RNF43: variants seen among roughly 807,000 people sequenced by gnomAD.
The protein encoded by RNF43 is E3 ubiquitin-protein ligase RNF43.
In RNF43, 37 loss-of-function variants were observed where a neutral mutation model predicts 78.4. That is an observed-to-expected ratio of 0.47 (90% CI 0.36 to 0.62). The LOEUF (loss-of-function observed/expected upper bound fraction) is 0.62, where lower values mean the gene tolerates loss of function less well. Among genes scored for constraint, RNF43 ranks in the 20% least tolerant of loss-of-function variants. RNF43 has a pLI of 0.00. For missense variants in RNF43, 774 were observed against 1,007.9 expected (o/e 0.77, Z 3.14); for synonymous variants, 347 against 395.0 (o/e 0.88, Z 1.44).
rs1169970247 is a variant in RNF43, at chr17:58,411,927, A to G, written c.252+3399T>C. 2.6e-5 allele frequency among the ~76,000 whole-genome samples: 4 copies of G among 152,330 alleles called. No individual in the cohort carries two copies. In the East Asian group the frequency reaches 7.7e-4, roughly 29 times the overall value. ...TCAGCTCCAACACTTTTCCTTCTAC[A>G]ATGGTATAAACCAGGAGAGAAAGAA... On this transcript the variant is annotated intron_variant, in intron 2 of 9. Transcript: ENST00000407977.
Position 58,353,750 on chromosome 17 carries a change from A to C in RNF43, c.*1193T>G. On this transcript the variant is annotated 3_prime_UTR_variant, in exon 10 of 10. Transcript: ENST00000407977. ...TGATTCAAGCGTCTGTCTGGTTCAG[A>C]TATAAATACCCATGTGGGTACCTAG... is the stretch of plus-strand genomic sequence containing the variant. 1 of 209,292 alleles carries C rather than the reference A, an allele frequency of 4.8e-6. No homozygotes were observed. Among genetic ancestry groups the C allele is most frequent in the Non-Finnish European group, 9.8e-6 (1 of 102,468 alleles). The allele number at this position is 209,292 out of a possible 1,614,324, so 13.0% of individuals were successfully genotyped here. A position where few individuals can be genotyped will look rare whatever the true frequency, so the allele number is the denominator to read the frequency against.
At chr17:58,403,104 C>T (rs1973837857) in intron 2 of RNF43, among the ~76,000 whole-genome samples, 1 of 152,104 alleles carries the variant, frequency 6.6e-6, no homozygotes, top group Admixed American at 6.5e-5. Context: ...TTCCAGTAAG[C>T]GTGTACCTCA....
chr17:58,352,684 G>A (rs746125538), downstream of RNF43: 1 of 207,768 alleles, frequency 4.8e-6, no homozygotes, highest in Non-Finnish European at 9.8e-6. Context: ...AACTGCGAGA[G>A]CGCTATAGGG....
intron 2 of RNF43, among the ~76,000 whole-genome samples, chr17:58,403,128 C>G (rs879127638): frequency 6.6e-6 from 1 of 152,150 alleles, no homozygotes; most frequent in Admixed American, 6.5e-5. Context: ...ACCAAACATA[C>G]ATGAATTAAG....
chr17:58,395,812 C>T (rs2143621526), intron 2 of RNF43, among the ~76,000 whole-genome samples: 1 of 152,286 alleles, frequency 6.6e-6, no homozygotes, highest in East Asian at 1.9e-4. Context: ...CTCTAAGAAG[C>T]TGCCTCACTA....
At position 58,358,475 on chromosome 17, in the gene RNF43, G is replaced by A. The variant is rs2143416660; in HGVS notation, c.1301C>T (p.Pro434Leu). ...GTCAGGGGGCCTGGCCCGGCGTAGG[G>A]GCACTGGGCAAGCAGCAGGGTGCTG... ...TSQHPAACPV[P>L]LRRARPPDSS... The change falls in exon 9 of 10, where the codon CCC becomes CTC. Residue 434 changes from proline (P) to leucine (L), a missense_variant. Transcript: ENST00000407977. The surrounding 1 kb of genome is among the most constrained non-coding windows in gnomAD (Gnocchi z 6.2). 6.2e-7 allele frequency: 1 copy of A among 1,613,992 alleles called. No individual in the cohort carries two copies. The highest frequency in any genetic ancestry group is 1.6e-4 in the Middle Eastern group (1 of 6,062).
intron 9 of RNF43, chr17:58,356,916 T>C (rs1168997039): frequency 5.4e-6 from 1 of 186,052 alleles, no homozygotes; most frequent in African/African-American, 2.8e-5. Flanking sequence ...TTTTTTGAGA[T>C]GGAGTCTCAC....
chr17:58,368,167 G>C (rs1318497986), intron 3 of RNF43, among the ~76,000 whole-genome samples: 5 of 152,354 alleles, frequency 3.3e-5, no homozygotes, highest in African/African-American at 1.2e-4. Context: ...GCAGAGAGCA[G>C]AGCTGCAGGG....
intron 2 of RNF43, among the ~76,000 whole-genome samples, chr17:58,392,351 G>A (rs1250816719): frequency 6.6e-6 from 1 of 152,100 alleles, no homozygotes; most frequent in Non-Finnish European, 1.5e-5. Context: ...AGATATAATG[G>A]GAAGCCAGCT....
At position 58,357,297 on chromosome 17, in the gene RNF43, T is replaced by C; in HGVS notation, c.2308+171A>G. 4.6e-6 allele frequency: 4 copies of C among 864,824 alleles called. No homozygotes were observed. The highest frequency in any genetic ancestry group is 1.4e-5 in the South Asian group (1 of 71,224). The allele number at this position is 864,824 out of a possible 1,614,324, so 53.6% of individuals were successfully genotyped here. A position where few individuals can be genotyped will look rare whatever the true frequency, so the allele number is the denominator to read the frequency against. ...GCACCTGGCAGAGGTGGGGTGTTCC[T>C]GCACTCTAGCCAGCATGATACGCTG... On this transcript the variant is annotated intron_variant, in intron 9 of 9. Coordinates refer to ENST00000407977, the MANE Select transcript of RNF43 (RefSeq NM_017763.6). This position sits in a 1 kb window ranked among gnomAD's most constrained non-coding sequence, Gnocchi z 4.5.
intron 2 of RNF43, among the ~76,000 whole-genome samples, chr17:58,405,702 G>GAA (rs1450764296): frequency 1.5e-5 from 1 of 67,278 alleles, no homozygotes; most frequent in Non-Finnish European, 2.8e-5. Context: ...TCTAATGACA[G>GAA]AAAGAAAGAA....
At chr17:58,361,896 G>GTGGC (rs2143454157) in intron 6 of RNF43, among the ~76,000 whole-genome samples, 1 of 152,138 alleles carries the variant, frequency 6.6e-6, no homozygotes, top group Admixed American at 6.5e-5. Flanking sequence ...TCTTCTCAAT[G>GTGGC]TGGCCTTCTC....
intron 2 of RNF43, among the ~76,000 whole-genome samples, chr17:58,383,077 C>A (rs543323321): frequency 6.6e-6 from 1 of 152,214 alleles, no homozygotes; most frequent in Non-Finnish European, 1.5e-5. Flanking sequence ...CTGCAGTGAA[C>A]TTCAGTCCCT....
At chr17:58,379,399 A>C (rs1973268338) in intron 2 of RNF43, among the ~76,000 whole-genome samples, 1 of 152,154 alleles carries the variant, frequency 6.6e-6, no homozygotes, top group African/African-American at 2.4e-5. Flanking sequence ...CTGCTCAGAG[A>C]CACTTTCCCA....
intron 2 of RNF43, among the ~76,000 whole-genome samples, chr17:58,408,282 G>C (rs1188156681): frequency 6.6e-6 from 1 of 152,146 alleles, no homozygotes; most frequent in Non-Finnish European, 1.5e-5. Flanking sequence ...ATGCAAAATT[G>C]TGTATGTTAA....
chr17:58,407,360 G>A (rs150256296), intron 2 of RNF43, among the ~76,000 whole-genome samples: 10 of 152,152 alleles, frequency 6.6e-5, no homozygotes, highest in East Asian at 3.9e-4. Context: ...GATTACAGGC[G>A]TGAGCCACCA....
Position 58,391,165 on chromosome 17 carries a change from C to A in RNF43, c.253-20132G>T, listed in dbSNP as rs538542758. Among the ~76,000 whole-genome samples, 14 of 152,272 alleles carry A rather than the reference C, an allele frequency of 9.2e-5. No homozygotes were observed. In the South Asian group the frequency reaches 1.9e-3, roughly 20 times the overall value. On this transcript the variant is annotated intron_variant, in intron 2 of 9. Transcript: ENST00000407977. ...GATATGGAGTACACTGAGGACCAAA[C>A]TTAGAAAGATTGTGAAGCAGTGGGA...
rs748868010 is a variant in RNF43, at chr17:58,358,852, T to TTTAAC, written c.953-34_953-30dup. On this transcript the variant is annotated intron_variant, in intron 8 of 9. Coordinates refer to ENST00000407977, the MANE Select transcript of RNF43 (RefSeq NM_017763.6). The surrounding 1 kb of genome is among the most constrained non-coding windows in gnomAD (Gnocchi z 6.2). Reference sequence around the variant, plus strand: ...GAAAAAAGAACCAAGAGCACAGATGTTTAACTCTACAAACCTACAGAGAAT... The same window carrying TTTAAC: ...GAAAAAAGAACCAAGAGCACAGATGTTTAACTTAACTCTACAAACCTACAGAGAAT... 93 of 1,464,600 alleles carry TTTAAC rather than the reference T, an allele frequency of 6.3e-5. No homozygotes were observed. The highest frequency in any genetic ancestry group is 1.0e-4 in the Admixed American group (4 of 38,712). 90.7% of individuals were successfully genotyped at this position (1,464,600 alleles called of 1,614,324 possible). A position where few individuals can be genotyped will look rare whatever the true frequency, so the allele number is the denominator to read the frequency against.
intron 2 of RNF43, among the ~76,000 whole-genome samples, chr17:58,372,877 C>CAG (rs1203043458): frequency 1.3e-5 from 2 of 152,180 alleles, no homozygotes; most frequent in African/African-American, 4.8e-5. Context: ...CACCAAGGAA[C>CAG]AGAGGCCTAG....
Sources: gnomAD v4.1 joint callset for allele counts (sites outside exome capture counted in the v4.1 genomes callset) on GRCh38, gnomAD v4.1.1 for gene constraint, Gnocchi (gnomAD v3.1) non-coding constraint, MANE v1.5 for transcripts, NCBI Gene and HGNC (gene_info 2026-07-23, HGNC 2026-07-21) for gene names.